Variants in NTM observed in about 807,000 individuals in gnomAD.
NTM encodes the protein IgLON family member 2.
NTM carries 13 observed loss-of-function variants against 42.1 expected under a neutral mutation model. That is an observed-to-expected ratio of 0.31 (90% CI 0.20 to 0.49). NTM has a LOEUF of 0.49. Among genes scored for constraint, NTM ranks in the 20% least tolerant of loss-of-function variants. The pLI, the probability that NTM is intolerant of heterozygous loss-of-function variation, is 0.99. For missense variants in NTM, 373 were observed against 452.8 expected, an observed-to-expected ratio of 0.82 and a Z score of 1.60; for synonymous variants, 187 against 179.2, an observed-to-expected ratio of 1.04 and a Z score of -0.35.
At chr11:131,888,688 T>G (rs1018711655) in intron 1 of NTM, among the ~76,000 whole-genome samples, 12 of 152,162 alleles carry the variant, frequency 7.9e-5, no homozygotes, top group Non-Finnish European at 5.9e-5. Flanking sequence ...CTGCCTCCTA[T>G]TTTCATATTT....
intron 1 of NTM, among the ~76,000 whole-genome samples, chr11:131,810,322 C>G (rs896540274): frequency 1.5e-4 from 23 of 152,184 alleles, no homozygotes; most frequent in Admixed American, 1.4e-3. Context: ...TCACCCACCT[C>G]AAAGATGCCC....
intron 2 of NTM, among the ~76,000 whole-genome samples, chr11:131,975,492 A>G (rs978856790): frequency 6.6e-6 from 1 of 152,046 alleles, no homozygotes; most frequent in African/African-American, 2.4e-5. Flanking sequence ...CTTGCCTTCA[A>G]TGGAAAGCCT....
At chr11:132,254,919 C>T (rs113952334) in intron 4 of NTM, among the ~76,000 whole-genome samples, 2,093 of 152,246 alleles carry the variant, frequency 0.014, 45 homozygotes, top group African/African-American at 0.046. Flanking sequence ...TTATCTCTAC[C>T]CACTAGATAG....
chr11:131,933,846 A>G (rs2058908353), intron 2 of NTM, among the ~76,000 whole-genome samples: 2 of 148,618 alleles, frequency 1.3e-5, no homozygotes, highest in African/African-American at 4.9e-5. Context: ...ATAATAATAT[A>G]AATTCTAGTG....
chr11:132,286,581 A>C (rs1270030692), intron 4 of NTM, among the ~76,000 whole-genome samples: 1 of 151,098 alleles, frequency 6.6e-6, no homozygotes, highest in Non-Finnish European at 1.5e-5. Context: ...TTGCCTCACC[A>C]CTCTGTTGTT....
chr11:131,578,587 G>A (rs2058131422), intron 1 of NTM, among the ~76,000 whole-genome samples: 1 of 152,138 alleles, frequency 6.6e-6, no homozygotes, highest in South Asian at 2.1e-4. Context: ...TGAGGCCAGA[G>A]AGTATGGCTT....
chr11:131,726,597 C>T (rs910118329), intron 1 of NTM, among the ~76,000 whole-genome samples: 1 of 151,330 alleles, frequency 6.6e-6, no homozygotes, highest in East Asian at 1.9e-4. Context: ...CTAAAATCTC[C>T]TCAGCCATCC....
chr11:131,441,194 G>T (rs763344240), intron 1 of NTM, among the ~76,000 whole-genome samples: 1 of 152,058 alleles, frequency 6.6e-6, no homozygotes, highest in African/African-American at 2.4e-5. Context: ...GCTCTTTTTG[G>T]TCATGCAGTT....
chr11:132,263,517 T>G (rs1318348316), intron 4 of NTM, among the ~76,000 whole-genome samples: 1 of 152,242 alleles, frequency 6.6e-6, no homozygotes, highest in African/African-American at 2.4e-5. Flanking sequence ...GCCCTTAGTG[T>G]TCTTTCTTTT....
At chr11:132,248,693 C>T (rs1041491126) in intron 4 of NTM, among the ~76,000 whole-genome samples, 6 of 152,208 alleles carry the variant, frequency 3.9e-5, no homozygotes, top group Non-Finnish European at 7.3e-5. Context: ...GTCCACCACG[C>T]ATCAGGTCTA....
chr11:132,109,768 T>C (rs2136714778), intron 2 of NTM, among the ~76,000 whole-genome samples: 1 of 152,278 alleles, frequency 6.6e-6, no homozygotes, highest in East Asian at 1.9e-4. Context: ...CTGTACCCAA[T>C]GTGTAGTCTT....
At chr11:132,325,337 C>T (rs1592050708) in intron 7 of NTM, among the ~76,000 whole-genome samples, 1 of 151,940 alleles carries the variant, frequency 6.6e-6, no homozygotes. Context: ...AAAAACAACC[C>T]CATCAAAAAG....
intron 2 of NTM, among the ~76,000 whole-genome samples, chr11:132,137,139 G>A (rs761372680): frequency 6.6e-6 from 1 of 152,198 alleles, no homozygotes; most frequent in Non-Finnish European, 1.5e-5. Flanking sequence ...AAAAAGTGTC[G>A]ATTTGGACAA....
chr11:131,502,093 G>A (rs1459996435), intron 1 of NTM, among the ~76,000 whole-genome samples: 2 of 152,162 alleles, frequency 1.3e-5, no homozygotes, highest in African/African-American at 4.8e-5. Context: ...TGCTCACAGA[G>A]AGAGTGTGGA....
intron 2 of NTM, among the ~76,000 whole-genome samples, chr11:131,954,386 C>A (rs769913304): frequency 6.6e-6 from 1 of 152,184 alleles, no homozygotes; most frequent in African/African-American, 2.4e-5. Flanking sequence ...GCAGGCCAAG[C>A]CTTCACCTGG....
chr11:131,706,089 A>G (rs2076563481), intron 1 of NTM, among the ~76,000 whole-genome samples: 1 of 152,024 alleles, frequency 6.6e-6, no homozygotes, highest in Admixed American at 6.6e-5. Flanking sequence ...CCTTTAAGAG[A>G]CTCATATTAG....
intron 1 of NTM, among the ~76,000 whole-genome samples, chr11:131,750,556 C>G (rs1414640659): frequency 1.3e-5 from 2 of 152,204 alleles, no homozygotes; most frequent in Non-Finnish European, 2.9e-5. Context: ...CTGACCACCC[C>G]CTTTGCTACA....
At chr11:132,281,759 C>A (rs981482300) in intron 4 of NTM, among the ~76,000 whole-genome samples, 1 of 152,158 alleles carries the variant, frequency 6.6e-6, no homozygotes, top group African/African-American at 2.4e-5. Flanking sequence ...GGGTTAATTG[C>A]ATCATCTAGG....
chr11:131,660,520 A>AC (rs1458944027), intron 1 of NTM: 4 of 457,208 alleles, frequency 8.7e-6, no homozygotes, highest in African/African-American at 8.0e-5. Flanking sequence ...GCCGGCACTG[A>AC]CCCTGGGTCC....
Sources: gnomAD v4.1 joint callset for allele counts (sites outside exome capture counted in the v4.1 genomes callset) on GRCh38, gnomAD v4.1.1 for gene constraint, MANE v1.5 for transcripts, NCBI Gene and HGNC (gene_info 2026-07-23, HGNC 2026-07-21) for gene names.